The following RANBP2 variants were observed in gnomAD, a reference collection of about 807,000 sequenced individuals.
RANBP2 encodes the protein E3 SUMO-protein ligase RanBP2.
In RANBP2, 57 loss-of-function variants were observed where a neutral mutation model predicts 303.6. The ratio of observed to expected loss-of-function variants is 0.19; its 90% CI spans 0.15 to 0.23. RANBP2 has a LOEUF of 0.23. Ranked by LOEUF, RANBP2 falls within the 10% of genes least tolerant of loss-of-function variation. The pLI, the probability that RANBP2 is intolerant of heterozygous loss-of-function variation, is 1.00. For synonymous variants in RANBP2, 1,167 were observed against 1,301.5 expected, an observed-to-expected ratio of 0.90 and a Z score of 2.23; for missense variants, 3,138 against 3,780.8, an observed-to-expected ratio of 0.83 and a Z score of 4.46.
At chr2:109,283,252 A>G in the RANBP2 span, among the ~76,000 whole-genome samples, 4 of 152,286 alleles carry the variant, frequency 2.6e-5, no homozygotes, top group Admixed American at 2.6e-4. Flanking sequence ...TGCTTGGGCC[A>G]TGGCCACAGC....
the RANBP2 span, among the ~76,000 whole-genome samples, chr2:109,493,154 CACAT>C: frequency 1.5e-5 from 2 of 130,560 alleles, no homozygotes; most frequent in African/African-American, 5.7e-5. Context: ...TCATACAAAA[CACAT>C]ACACCACACA....
chr2:109,685,296 A>G, the RANBP2 span, among the ~76,000 whole-genome samples: 3 of 152,228 alleles, frequency 2.0e-5, no homozygotes, highest in Non-Finnish European at 4.4e-5. Flanking sequence ...TCATGAGTAC[A>G]TAGGTTCGCA....
the RANBP2 span, among the ~76,000 whole-genome samples, chr2:109,144,979 C>T: frequency 3.3e-3 from 498 of 152,350 alleles, 19 homozygotes; most frequent in East Asian, 0.087. Flanking sequence ...GGCTCACACC[C>T]GGCTCCTGGG....
Position 108,720,223 on chromosome 2 carries a change from A to G in RANBP2, c.72+545A>G, listed in dbSNP as rs1359547791. On this transcript the variant is annotated intron_variant, in intron 1 of 28. Coordinates refer to ENST00000283195, the MANE Select transcript of RANBP2 (RefSeq NM_006267.5). ...GCAATGGCCCGACGGCGCAAATGAC[A>G]CTGAAAGTCCCCTTGTTTTGAGTAT... The G allele has an allele frequency of 4.8e-5, 44 of 909,226 alleles. 4 individuals carry two copies. The highest frequency in any genetic ancestry group is 5.5e-5 in the Non-Finnish European group (42 of 769,216). 56.3% of individuals were successfully genotyped at this position (909,226 alleles called of 1,614,324 possible). A position where few individuals can be genotyped will look rare whatever the true frequency, so the allele number is the denominator to read the frequency against.
chr2:108,892,770 C>T, the RANBP2 span, among the ~76,000 whole-genome samples: 1 of 152,196 alleles, frequency 6.6e-6, no homozygotes, highest in Non-Finnish European at 1.5e-5. Context: ...GGAAGTCACT[C>T]CCAGCTCCTA....
At chr2:109,202,764 T>C in the RANBP2 span, among the ~76,000 whole-genome samples, 2 of 152,246 alleles carry the variant, frequency 1.3e-5, no homozygotes, top group Middle Eastern at 3.4e-3. Context: ...CTTCCCATAC[T>C]ATGGAGCTCT....
the RANBP2 span, among the ~76,000 whole-genome samples, chr2:109,245,610 G>C: frequency 6.6e-6 from 1 of 152,144 alleles, no homozygotes; most frequent in Non-Finnish European, 1.5e-5. Flanking sequence ...ACAAATTTAA[G>C]TCTATATATA....
the RANBP2 span, among the ~76,000 whole-genome samples, chr2:109,135,415 C>T: frequency 6.6e-6 from 1 of 152,206 alleles, no homozygotes; most frequent in Non-Finnish European, 1.5e-5. Context: ...AATGGGCTAG[C>T]TTTCCTGAGA....
the RANBP2 span, among the ~76,000 whole-genome samples, chr2:109,178,265 T>C: frequency 2.6e-5 from 4 of 152,240 alleles, no homozygotes; most frequent in African/African-American, 7.2e-5. Context: ...TGTCAACGTT[T>C]TTATCTGCCT....
the RANBP2 span, chr2:108,815,825 C>T: frequency 5.9e-6 from 5 of 852,966 alleles, no homozygotes; most frequent in Non-Finnish European, 9.0e-6. Context: ...GTCCTTAACA[C>T]ATTTTAGTGA....
the RANBP2 span, among the ~76,000 whole-genome samples, chr2:108,802,031 GC>G: frequency 7.3e-6 from 1 of 136,462 alleles, no homozygotes; most frequent in African/African-American, 2.7e-5. Flanking sequence ...GGTTACTGTA[GC>G]CTTGTAGTAT....
chr2:109,196,112 G>A, the RANBP2 span, among the ~76,000 whole-genome samples: 1 of 152,228 alleles, frequency 6.6e-6, no homozygotes, highest in South Asian at 2.1e-4. Flanking sequence ...TTAATGGGAC[G>A]AGGGACAGAA....
chr2:109,041,970 T>C, the RANBP2 span, among the ~76,000 whole-genome samples: 1 of 152,218 alleles, frequency 6.6e-6, no homozygotes, highest in Non-Finnish European at 1.5e-5. Context: ...AATTTTGCAT[T>C]GTTAGAATAA....
At chr2:109,453,573 C>T in the RANBP2 span, among the ~76,000 whole-genome samples, 1 of 152,132 alleles carries the variant, frequency 6.6e-6, no homozygotes. Context: ...CCTAACCACC[C>T]GACCGGCCAT....
chr2:108,767,432 A>C lies in RANBP2; in HGVS notation c.6893A>C (p.Asp2298Ala), dbSNP rs373099348. 6.2e-7 allele frequency: 1 copy of C among 1,611,934 alleles called. No individual in the cohort carries two copies. Among genetic ancestry groups the C allele is most frequent in the Non-Finnish European group, 8.5e-7 (1 of 1,179,836 alleles). Residue 2298 changes from aspartate to alanine, a missense_variant, in exon 20 of 29, where the codon GAT becomes GCT. Asp to Ala is a moderately radical substitution (Grantham distance 126). Around this residue, in one of 20 missense-constraint regions of RANBP2, gnomAD observed 72 missense variants for 86.8 expected, o/e 0.83. Transcript: ENST00000283195. ...GTSVGTDEES[D>A]VTQEEERDGQ... ...TCAGTTGGCACTGATGAAGAATCTGATGTTACTCAAGAAGAAGAGAGAGAT... is the reference window on the plus strand; with the variant it reads ...TCAGTTGGCACTGATGAAGAATCTGCTGTTACTCAAGAAGAAGAGAGAGAT...
At chr2:109,680,723 C>T in the RANBP2 span, among the ~76,000 whole-genome samples, 2 of 152,148 alleles carry the variant, frequency 1.3e-5, no homozygotes, top group Admixed American at 6.5e-5. Context: ...TCAGACCTTT[C>T]CTGTTTCAGT....
chr2:109,547,789 A>G, the RANBP2 span, among the ~76,000 whole-genome samples: 2 of 152,220 alleles, frequency 1.3e-5, no homozygotes, highest in African/African-American at 4.8e-5. Context: ...TTTTACCATG[A>G]TGGCTGGCAC....
the RANBP2 span, among the ~76,000 whole-genome samples, chr2:109,089,442 T>TAA: frequency 4.9e-3 from 710 of 143,538 alleles, 8 homozygotes; most frequent in African/African-American, 0.017. Flanking sequence ...CATCTCTATT[T>TAA]AAAAAAAAAA....
At chr2:108,758,593 T>C (rs1309082362) in intron 18 of RANBP2, 45 bp downstream of exon 18, 1 of 1,610,232 alleles carries the variant, frequency 6.2e-7, no homozygotes, top group Admixed American at 1.7e-5. Flanking sequence ...AAAACTACTT[T>C]ACTTCCCTCT....
Sources: gnomAD v4.1 joint callset for allele counts (sites outside exome capture counted in the v4.1 genomes callset) on GRCh38, gnomAD v4.1.1 for gene constraint, gnomAD v4.1.1 regional missense constraint, MANE v1.5 for transcripts, NCBI Gene and HGNC (gene_info 2026-07-23, HGNC 2026-07-21) for gene names.